HAPLN4: variants seen among roughly 807,000 people sequenced by gnomAD.
The protein encoded by HAPLN4 is hyaluronan and proteoglycan link protein 4.
Under a neutral mutation model 28.0 loss-of-function variants are expected in HAPLN4, and 19 were observed. The ratio of observed to expected loss-of-function variants is 0.68; its 90% CI spans 0.47 to 1.00. HAPLN4 has a LOEUF of 1.00. Among genes scored for constraint, HAPLN4 ranks in the 50% least tolerant of loss-of-function variants. The pLI is 0.00. For synonymous variants in HAPLN4, 274 were observed against 273.0 expected, an observed-to-expected ratio of 1.00 and a Z score of -0.03; for missense variants, 587 against 602.6, an observed-to-expected ratio of 0.97 and a Z score of 0.27.
chr19:19,258,639 C>G lies in HAPLN4; in HGVS notation c.701G>C (p.Gly234Ala), dbSNP rs767619403. ...GCCGCCCCCTGCACTCCCGGTCCCC[C>G]CCAGGCCGCCGCAGGGCTCCCGGGG... ...NRPREPCGGL[G>A]GTGSAGGGGD... Residue 234 changes from glycine (G) to alanine (A), a missense_variant, in exon 4 of 5, where the codon GGG (glycine) becomes GCG (alanine). Gly to Ala is a moderately conservative substitution (Grantham distance 60). Coordinates refer to ENST00000291481, the MANE Select transcript of HAPLN4 (RefSeq NM_023002.3). The surrounding 1 kb of genome is among the most constrained non-coding windows in gnomAD (Gnocchi z 6.2). The G allele has an allele frequency of 4.3e-6, 7 of 1,611,870 alleles. No homozygotes were observed. Among genetic ancestry groups the G allele is most frequent in the Non-Finnish European group, 5.9e-6 (7 of 1,179,044 alleles).
At position 19,258,800 on chromosome 19, in the gene HAPLN4, C is replaced by T; in HGVS notation, c.540G>A (p.Glu180=). 1 of 1,594,752 alleles carries T rather than the reference C, an allele frequency of 6.3e-7. No individual in the cohort carries two copies. The highest frequency in any genetic ancestry group is 8.5e-7 in the Non-Finnish European group (1 of 1,171,422). Residue 180 remains glutamate, a synonymous_variant, in exon 4 of 5, where the codon GAG becomes GAA. Coordinates refer to ENST00000291481, the MANE Select transcript of HAPLN4 (RefSeq NM_023002.3). This position sits in a 1 kb window ranked among gnomAD's most constrained non-coding sequence, Gnocchi z 6.2. ...CCTGCTCGGCGCACGCGCGCTGCGC[C>T]TCCGCGAAGGTCAGCTTGTATCGGC... ...RGGRYKLTFA[E]AQRACAEQDG...
At chr19:19,261,351 C>T in intron 2 of HAPLN4, 95 bp downstream of exon 2, 3 of 1,303,406 alleles carry the variant, frequency 2.3e-6, no homozygotes, top group Non-Finnish European at 3.3e-6. Flanking sequence ...CTGGGGGAAC[C>T]GCGGACGTCA....
chr19:19,261,859 C>T (rs965426020), intron 1 of HAPLN4, among the ~76,000 whole-genome samples: 4 of 152,028 alleles, frequency 2.6e-5, no homozygotes, highest in South Asian at 2.1e-4. Flanking sequence ...GGCCCTGGCC[C>T]GGGCCGGGGA....
In HAPLN4 at chr19:19,255,884, A is replaced by G. The variant is rs2060964033; in HGVS notation, c.*1933T>C. On this transcript the variant is annotated 3_prime_UTR_variant, in exon 5 of 5. Coordinates refer to ENST00000291481, the MANE Select transcript of HAPLN4 (RefSeq NM_023002.3). ...AAGAGGGCCCCAGGGGGACCCCAGT[A>G]CTCCTGCAGGCAAGACTTCGGGACT... 5 of 152,150 alleles carry G rather than the reference A, an allele frequency of 3.3e-5. No individual in the cohort carries two copies. The South Asian group carries it at 1.0e-3, about 32-fold the overall frequency. 9.4% of individuals were successfully genotyped at this position (152,150 alleles called of 1,614,324 possible).
Position 19,258,149 on chromosome 19 carries a change from A to G in HAPLN4, c.877T>C (p.Cys293Arg). ...GCCACGGCCGCGCCACGCGCAGCAC[A>G]CGCGCGCGCAGCTCCGGAGAAGGGT... is the stretch of plus-strand genomic sequence containing the variant. ...PVPFSGAARA[C>R]AARGAAVAKV... Residue 293 changes from cysteine to arginine, a missense_variant, in exon 5 of 5, where the codon TGT (cysteine) becomes CGT (arginine). Physicochemically the swap from Cys to Arg is radical, Grantham distance 180 (BLOSUM62 -3). Transcript: ENST00000291481. This position sits in a 1 kb window ranked among gnomAD's most constrained non-coding sequence, Gnocchi z 6.2. The G allele has an allele frequency of 6.5e-7, 1 of 1,540,782 alleles. No homozygotes were observed. The highest frequency in any genetic ancestry group is 8.7e-7 in the Non-Finnish European group (1 of 1,150,330).
Position 19,260,932 on chromosome 19 carries a change from C to A in HAPLN4, c.365G>T (p.Gly122Val), listed in dbSNP as rs946678963. 2 of 1,613,988 alleles carry A rather than the reference C, an allele frequency of 1.2e-6. No homozygotes were observed. The highest frequency in any genetic ancestry group is 3.3e-5 in the Admixed American group (2 of 60,022). ...GAGGACCAGGGAGGCATCCCCAGGCCCGTCGCCCTGCAGCTCAGCCCGCCC... is the reference window on the plus strand; with the variant it reads ...GAGGACCAGGGAGGCATCCCCAGGCACGTCGCCCTGCAGCTCAGCCCGCCC... ...YRGRAELQGDGPGDASLVLRN... is the reference protein window; with the variant it reads ...YRGRAELQGDVPGDASLVLRN... The change falls in exon 3 of 5, where the codon GGG (glycine) becomes GTG (valine). Residue 122 changes from glycine to valine, a missense_variant. Coordinates refer to ENST00000291481, the MANE Select transcript of HAPLN4 (RefSeq NM_023002.3).
chr19:19,261,914 T>C (rs141026619), intron 1 of HAPLN4, among the ~76,000 whole-genome samples: 4,739 of 150,794 alleles, frequency 0.031, 115 homozygotes, highest in Non-Finnish European at 0.049. Context: ...AGCAAGGTTA[T>C]CCGTGCGCCA....
In HAPLN4 at chr19:19,257,556, G is replaced by A. The variant is rs916011195; in HGVS notation, c.*261C>T. On this transcript the variant is annotated 3_prime_UTR_variant, in exon 5 of 5. Coordinates refer to ENST00000291481, the MANE Select transcript of HAPLN4 (RefSeq NM_023002.3). ...TGGCCTCCTGAGGTCCTCAGGGGGC[G>A]TGACCCTCATGGAGAAAGTTGGGGA... 1.6e-5 allele frequency: 6 copies of A among 373,914 alleles called. No homozygotes were observed. Among genetic ancestry groups the A allele is most frequent in the Non-Finnish European group, 2.8e-5 (6 of 213,548 alleles). 23.2% of individuals were successfully genotyped at this position (373,914 alleles called of 1,614,324 possible).
chr19:19,257,776 G>T lies in HAPLN4; in HGVS notation c.*41C>A. ...GGCTCCAGGGGACCACAGGGCTCTA[G>T]ACCAGTGGTCAAGCGCCCTGGCTGT... On this transcript the variant is annotated 3_prime_UTR_variant, in exon 5 of 5. Transcript: ENST00000291481. 1 of 1,392,552 alleles carries T rather than the reference G, an allele frequency of 7.2e-7. No homozygotes were observed. Among genetic ancestry groups the T allele is most frequent in the South Asian group, 1.8e-5 (1 of 56,436 alleles). The allele number at this position is 1,392,552 out of a possible 1,614,324, so 86.3% of individuals were successfully genotyped here. A position where few individuals can be genotyped will look rare whatever the true frequency, so the allele number is the denominator to read the frequency against.
chr19:19,257,869 C>A lies in HAPLN4; in HGVS notation c.1157G>T (p.Gly386Val). The A allele has an allele frequency of 7.0e-7, 1 of 1,429,960 alleles. No individual in the cohort carries two copies. Among genetic ancestry groups the A allele is most frequent in the Admixed American group, 3.1e-5 (1 of 32,516 alleles). 88.6% of individuals were successfully genotyped at this position (1,429,960 alleles called of 1,614,324 possible). Residue 386 changes from glycine (G) to valine (V), a missense_variant, in exon 5 of 5, where the codon GGC (glycine) becomes GTC (valine). Coordinates refer to ENST00000291481, the MANE Select transcript of HAPLN4 (RefSeq NM_023002.3). ...AGGATCGCGCGCGCCCCCTGCCCAG[C>A]CGCCGCCGCCCGCCCAGCCCCAGCC... ...GWGWGWAGGG[G>V]WAGGARDPAA...
At chr19:19,260,283 C>T (rs1377932133) in intron 3 of HAPLN4, among the ~76,000 whole-genome samples, 1 of 152,300 alleles carries the variant, frequency 6.6e-6, no homozygotes, top group South Asian at 2.1e-4. Context: ...GTGGCACGAT[C>T]TCCACTCACC....
rs1046459995 is a variant in HAPLN4, at chr19:19,261,961, G to C, written c.4-398C>G. On this transcript the variant is annotated intron_variant, in intron 1 of 4. Transcript: ENST00000291481. ...CAAACCGGGCCGGGGCGGGCAGGGA[G>C]GGGGGAGAGCTGGAGAGAAAGAGGG... Among the ~76,000 whole-genome samples, 140 of 152,178 alleles carry C rather than the reference G, an allele frequency of 9.2e-4. 2 individuals are homozygous for C. The highest frequency in any genetic ancestry group is 5.9e-5 in the Non-Finnish European group (4 of 68,024).
At position 19,261,542 on chromosome 19, in the gene HAPLN4, C is replaced by A; in HGVS notation, c.25G>T (p.Gly9Cys). 1 of 1,571,642 alleles carries A rather than the reference C, an allele frequency of 6.4e-7. No homozygotes were observed. The highest frequency in any genetic ancestry group is 8.6e-7 in the Non-Finnish European group (1 of 1,161,002). ...GCCGCGGCCCAGAGCGCGCCGGGAC[C>A]GAGGGCCGCCCGAGCGCACACCTGG... MVCARAALGPGALWAAAWG... is the reference protein window; with the variant it reads MVCARAALCPGALWAAAWG... Residue 9 changes from glycine (G) to cysteine (C), a missense_variant, in exon 2 of 5, where the codon GGT becomes TGT. Coordinates refer to ENST00000291481, the MANE Select transcript of HAPLN4 (RefSeq NM_023002.3).
chr19:19,260,963 A>G lies in HAPLN4; in HGVS notation c.334T>C (p.Tyr112His), dbSNP rs761509105. Residue 112 changes from tyrosine (Y) to histidine (H), a missense_variant, in exon 3 of 5, where the codon TAC becomes CAC. Tyr to His is a moderately conservative substitution (Grantham distance 83). Coordinates refer to ENST00000291481, the MANE Select transcript of HAPLN4 (RefSeq NM_023002.3). ...CCCTGCAGCTCAGCCCGCCCACGGT[A>G]GCTGCCGAATGCCCGGTGCTGGGGG... is the stretch of plus-strand genomic sequence containing the variant. ...LGPQHRAFGS[Y>H]RGRAELQGDG... 3.1e-6 allele frequency: 5 copies of G among 1,613,800 alleles called. No individual in the cohort carries two copies. The highest frequency in any genetic ancestry group is 4.2e-6 in the Non-Finnish European group (5 of 1,179,972).
chr19:19,262,539 G>A (rs1013664330), intron 1 of HAPLN4, among the ~76,000 whole-genome samples, 191 bp downstream of exon 1: 7 of 151,688 alleles, frequency 4.6e-5, no homozygotes, highest in South Asian at 2.1e-4. Flanking sequence ...TGACAGAGAT[G>A]GAGAGAGGCA....
intron 1 of HAPLN4, 94 bp from the exon 2 acceptor site, chr19:19,261,657 G>T (rs1047198821): frequency 5.0e-6 from 4 of 802,284 alleles, no homozygotes; most frequent in Non-Finnish European, 7.4e-6. Flanking sequence ...CCACAGCGAG[G>T]ACCTCTCTCA....
chr19:19,258,349 T>G lies in HAPLN4; in HGVS notation c.818-141A>C, dbSNP rs554477011. On this transcript the variant is annotated intron_variant, in intron 4 of 4. Coordinates refer to ENST00000291481, the MANE Select transcript of HAPLN4 (RefSeq NM_023002.3). The surrounding 1 kb of genome is among the most constrained non-coding windows in gnomAD (Gnocchi z 6.2). ...CAGGAACAGTTCCTCCTTTGCAGCC[T>G]GGGACCCCAGCCTAGGCCCAACCAG... is the stretch of plus-strand genomic sequence containing the variant. The G allele has an allele frequency of 5.7e-5, 67 of 1,178,558 alleles. No individual in the cohort carries two copies. In the African/African-American group the frequency reaches 6.8e-4, roughly 12 times the overall value. 73.0% of individuals were successfully genotyped at this position (1,178,558 alleles called of 1,614,324 possible).
At chr19:19,260,148 C>G (rs1173410294) in intron 3 of HAPLN4, among the ~76,000 whole-genome samples, 1 of 152,166 alleles carries the variant, frequency 6.6e-6, no homozygotes, top group East Asian at 1.9e-4. Flanking sequence ...GAATCCTATC[C>G]CAGGACTTCT....
intron 3 of HAPLN4, among the ~76,000 whole-genome samples, chr19:19,260,006 C>T (rs986115858): frequency 2.6e-5 from 4 of 152,078 alleles, no homozygotes; most frequent in Non-Finnish European, 4.4e-5. Flanking sequence ...AGTTGCTAAG[C>T]AGGGAAGTGA....
Sources: allele counts gnomAD v4.1 joint callset (sites outside exome capture counted in the v4.1 genomes callset), GRCh38; gene constraint gnomAD v4.1.1; non-coding constraint Gnocchi (gnomAD v3.1); transcripts MANE v1.5; gene names NCBI Gene and HGNC (gene_info 2026-07-23, HGNC 2026-07-21).